The following PC variants were observed in gnomAD, a reference collection of about 807,000 sequenced individuals.
PC encodes pyruvate carboxylase.
A neutral mutation model predicts 107.8 loss-of-function variants in PC; 46 were observed. The observed-to-expected ratio is 0.43, with a 90% CI of 0.34 to 0.55. The LOEUF is 0.55. PC is among the 20% of genes least tolerant of loss of function. PC has a pLI of 0.04. For synonymous variants in PC, 662 were observed against 684.7 expected (o/e 0.97, Z 0.52); for missense variants, 1,241 against 1,643.1 (o/e 0.76, Z 4.23).
At chr11:66,939,363 G>A (rs1194006275) in intron 3 of PC, among the ~76,000 whole-genome samples, 4 of 140,924 alleles carry the variant, frequency 2.8e-5, no homozygotes, top group African/African-American at 7.8e-5. Flanking sequence ...TGAGCATCTT[G>A]GAGGATTCTG....
chr11:66,868,738 T>C lies in PC; in HGVS notation c.1022+108A>G, dbSNP rs1444463720. On this transcript the variant is annotated intron_variant, in intron 10 of 22. Transcript: ENST00000393960. ...CTGGATCCCCATTGCTCTCCACCAA[T>C]GTGGGGAGTGAGCAAGCCCCCTGGC... is the stretch of plus-strand genomic sequence containing the variant. The C allele has an allele frequency of 1.4e-5, 11 of 805,784 alleles. No homozygotes were observed. The East Asian group carries it at 2.7e-4, about 20-fold the overall frequency. The allele number at this position is 805,784 out of a possible 1,614,324, so 49.9% of individuals were successfully genotyped here.
At chr11:66,851,426 G>T in intron 16 of PC, 146 bp from the exon 17 acceptor site, 1 of 1,231,796 alleles carries the variant, frequency 8.1e-7, no homozygotes, top group Non-Finnish European at 1.1e-6. Context: ...TCCACAGGCG[G>T]GGGGTGGCCA....
At chr11:66,939,852 A>C (rs1403993648) in intron 3 of PC, among the ~76,000 whole-genome samples, 1 of 151,256 alleles carries the variant, frequency 6.6e-6, no homozygotes, top group Admixed American at 6.6e-5. Context: ...AACAAAAAAA[A>C]AACAACTCCT....
intron 15 of PC, 23 bp from the exon 16 acceptor site, chr11:66,851,969 A>T: frequency 6.2e-7 from 1 of 1,612,916 alleles, no homozygotes; most frequent in South Asian, 1.1e-5. Flanking sequence ...CGAGAGGCCC[A>T]GATCAGCTCT....
chr11:66,857,085 T>G lies in PC; in HGVS notation c.1369-3702A>C, dbSNP rs564006027. On this transcript the variant is annotated intron_variant, in intron 12 of 22. Coordinates refer to ENST00000393960, the MANE Select transcript of PC (RefSeq NM_001040716.2). The surrounding 1 kb of genome is among the most constrained non-coding windows in gnomAD (Gnocchi z 7.1). ...GCCCGCCGGCGCGCACCCGCTCGCC[T>G]GTCGCCGCCGCCACCGCTAACCGCG... 2 of 147,078 alleles carry G rather than the reference T, an allele frequency of 1.4e-5. No homozygotes were observed. The highest frequency in any genetic ancestry group is 1.5e-5 in the Non-Finnish European group (1 of 66,060). The allele number at this position is 147,078 out of a possible 1,614,324, so 9.1% of individuals were successfully genotyped here.
intron 3 of PC, among the ~76,000 whole-genome samples, chr11:66,892,540 A>G (rs1947615016): frequency 6.6e-6 from 1 of 152,156 alleles, no homozygotes; most frequent in Non-Finnish European, 1.5e-5. Context: ...ATCAGAGATG[A>G]GAGATTGAAC....
At chr11:66,856,217 G>C (rs767528820) in intron 12 of PC, among the ~76,000 whole-genome samples, 10 of 152,274 alleles carry the variant, frequency 6.6e-5, no homozygotes, top group African/African-American at 2.4e-4. Flanking sequence ...GCCCGGCGGC[G>C]ACAGAGCGGG....
At chr11:66,879,689 G>C (rs1211289423) in intron 3 of PC, among the ~76,000 whole-genome samples, 1 of 152,224 alleles carries the variant, frequency 6.6e-6, no homozygotes, top group Non-Finnish European at 1.5e-5. Context: ...GGAGGCGGGA[G>C]GTTGGGTCAC....
Position 66,890,394 on chromosome 11 carries a change from A to AT in PC, c.1-18236dup, listed in dbSNP as rs148706185. 2.6e-3 allele frequency among the ~76,000 whole-genome samples: 317 copies of AT among 123,440 alleles called. 2 individuals are homozygous for AT. Among genetic ancestry groups the AT allele is most frequent in the Admixed American group, 7.3e-3 (88 of 12,092 alleles). The allele number at this position is 123,440 out of a possible 152,430, so 81.0% of individuals were successfully genotyped here. ...GGCAGTGACAAATAGATTGTTTCCC[A>AT]TTTTTTTTTTTTTTTTTGAGATGGA... On this transcript the variant is annotated intron_variant, in intron 3 of 22. Transcript: ENST00000393960.
At chr11:66,860,532 G>A in intron 12 of PC, 1 of 702,072 alleles carries the variant, frequency 1.4e-6, no homozygotes, top group South Asian at 1.5e-5. Flanking sequence ...ACAGGACACG[G>A]GCCGCTGGTG....
chr11:66,872,201 A>C, intron 3 of PC, 42 bp from the exon 4 acceptor site: 2 of 1,556,880 alleles, frequency 1.3e-6, no homozygotes, highest in African/African-American at 1.4e-5. Flanking sequence ...CAGCCTCAGC[A>C]CTGAGGCTCC....
intron 3 of PC, among the ~76,000 whole-genome samples, chr11:66,943,755 C>CAAAAAAAAAAA (rs34245785): frequency 5.7e-5 from 1 of 17,580 alleles, no homozygotes; most frequent in African/African-American, 2.2e-4. Context: ...GACTCCGGCT[C>CAAAAAAAAAAA]AAAAAAAAAA....
At chr11:66,939,804 C>CAAAAAA (rs56761659) in intron 3 of PC, among the ~76,000 whole-genome samples, 4 of 40,118 alleles carry the variant, frequency 1.0e-4, no homozygotes, top group Admixed American at 3.9e-4. Context: ...AACTCCGTCT[C>CAAAAAA]AAAAAAAAAA....
At position 66,887,749 on chromosome 11, in the gene PC, G is replaced by A. The variant is rs113010900; in HGVS notation, c.1-15590C>T. Among the ~76,000 whole-genome samples the A allele has an allele frequency of 5.3e-5, 8 of 152,308 alleles. No homozygotes were observed. The East Asian group carries it at 5.8e-4, about 11-fold the overall frequency. On this transcript the variant is annotated intron_variant, in intron 3 of 22. Transcript: ENST00000393960. ...TATCCATGTGGAAAGGTCTTGGAGCGCCTGGAGTGATGCCAAAAGTCCCAC... is the reference window on the plus strand; with the variant it reads ...TATCCATGTGGAAAGGTCTTGGAGCACCTGGAGTGATGCCAAAAGTCCCAC...
At chr11:66,878,914 T>C (rs1054044567) in intron 3 of PC, among the ~76,000 whole-genome samples, 1 of 152,180 alleles carries the variant, frequency 6.6e-6, no homozygotes, top group Non-Finnish European at 1.5e-5. Context: ...CCCAGCTCCA[T>C]GGTTTGGGCA....
chr11:66,920,077 G>A (rs1948558125), intron 3 of PC, among the ~76,000 whole-genome samples: 1 of 152,166 alleles, frequency 6.6e-6, no homozygotes, highest in Non-Finnish European at 1.5e-5. Flanking sequence ...GCTCATTCTG[G>A]TAATCAAACA....
intron 3 of PC, among the ~76,000 whole-genome samples, chr11:66,904,545 G>A (rs1006298435): frequency 6.6e-6 from 1 of 152,222 alleles, no homozygotes; most frequent in African/African-American, 2.4e-5. Flanking sequence ...GGCTGAGGTG[G>A]GAGAATCACC....
intron 3 of PC, among the ~76,000 whole-genome samples, chr11:66,895,535 T>C (rs1947726420): frequency 6.6e-6 from 1 of 152,064 alleles, no homozygotes; most frequent in East Asian, 1.9e-4. Flanking sequence ...TAAGAAACGA[T>C]TACATCAGTG....
intron 3 of PC, among the ~76,000 whole-genome samples, chr11:66,913,357 T>C (rs942529359): frequency 7.0e-4 from 106 of 151,876 alleles, no homozygotes; most frequent in African/African-American, 2.4e-3. Flanking sequence ...ATCAGCACCA[T>C]TCTGGCAGCC....
Sources: gnomAD v4.1 joint callset for allele counts (sites outside exome capture counted in the v4.1 genomes callset) on GRCh38, gnomAD v4.1.1 for gene constraint, Gnocchi (gnomAD v3.1) non-coding constraint, MANE v1.5 for transcripts, NCBI Gene and HGNC (gene_info 2026-07-23, HGNC 2026-07-21) for gene names.